Variants in MGLL observed in about 807,000 individuals in gnomAD.
The protein encoded by MGLL is lysophospholipase homolog.
In MGLL, 7 loss-of-function variants were observed where a neutral mutation model predicts 29.1. The ratio of observed to expected loss-of-function variants is 0.24; its 90% confidence interval spans 0.14 to 0.45. The LOEUF (loss-of-function observed/expected upper bound fraction) is 0.45, where lower values mean the gene tolerates loss of function less well. Ranked by LOEUF, MGLL falls within the 20% of genes least tolerant of loss-of-function variation. MGLL has a pLI of 0.99. For synonymous variants in MGLL, 148 were observed against 168.3 expected (o/e 0.88, Z 0.93); for missense variants, 356 against 413.6 (o/e 0.86, Z 1.21).
At chr3:127,809,613 A>G (rs2077626222) in intron 2 of MGLL, among the ~76,000 whole-genome samples, 1 of 149,338 alleles carries the variant, frequency 6.7e-6, no homozygotes, top group African/African-American at 2.5e-5. Context: ...GTGACAGAGC[A>G]AAGCCCTGTC....
intron 6 of MGLL, among the ~76,000 whole-genome samples, chr3:127,700,633 T>C (rs2075461000): frequency 6.6e-6 from 1 of 152,148 alleles, no homozygotes; most frequent in Non-Finnish European, 1.5e-5. Flanking sequence ...AAGCAAACCA[T>C]TCCCTAATCC....
intron 3 of MGLL, among the ~76,000 whole-genome samples, chr3:127,765,630 A>G (rs556025265): frequency 4.2e-4 from 64 of 152,338 alleles, no homozygotes; most frequent in Non-Finnish European, 7.5e-4. Context: ...CTGCCACAGC[A>G]ACCACTTTGT....
intron 3 of MGLL, among the ~76,000 whole-genome samples, chr3:127,738,092 G>A (rs1306160042): frequency 6.6e-6 from 1 of 151,884 alleles, no homozygotes; most frequent in Non-Finnish European, 1.5e-5. Flanking sequence ...CTTAAACCAG[G>A]AGTTTGAGAC....
chr3:127,691,689 G>A lies in MGLL; in HGVS notation c.*509C>T, dbSNP rs1376872096. 1 of 168,030 alleles carries A rather than the reference G, an allele frequency of 6.0e-6. No individual in the cohort carries two copies. Among genetic ancestry groups the A allele is most frequent in the Non-Finnish European group, 1.3e-5 (1 of 77,040 alleles). 10.4% of individuals were successfully genotyped at this position (168,030 alleles called of 1,614,324 possible). Reference sequence around the variant, plus strand: ...GGCTGGGCATTTTCTGAGCCTCAGAGGGGCACGTGAGTCTGCCCTGGGGAG... The same window carrying A: ...GGCTGGGCATTTTCTGAGCCTCAGAAGGGCACGTGAGTCTGCCCTGGGGAG... On this transcript the variant is annotated 3_prime_UTR_variant, in exon 8 of 8. Coordinates refer to ENST00000265052, the MANE Select transcript of MGLL (RefSeq NM_007283.7).
At chr3:127,814,881 A>G (rs13075440) in intron 2 of MGLL, among the ~76,000 whole-genome samples, 25,724 of 152,266 alleles carry the variant, frequency 0.17, 2,415 homozygotes, top group East Asian at 0.26. Context: ...TAACAGCTTC[A>G]TACAAGAAAA....
chr3:127,705,181 T>C (rs1018432226), intron 6 of MGLL, among the ~76,000 whole-genome samples: 1 of 148,530 alleles, frequency 6.7e-6, no homozygotes, highest in African/African-American at 2.5e-5. Context: ...TGAGAACATA[T>C]GGACACAGGG....
chr3:127,752,280 G>A lies in MGLL; in HGVS notation c.262+29509C>T, dbSNP rs146836597. Among the ~76,000 whole-genome samples the A allele has an allele frequency of 6.4e-3, 972 of 152,244 alleles. 4 individuals are homozygous for A. The highest frequency in any genetic ancestry group is 0.011 in the Non-Finnish European group (723 of 68,012). ...CCCAGCTAATTTTTTTGTATTTTTA[G>A]TAGAGATGGGGTTTCACCATGTTGG... On this transcript the variant is annotated intron_variant, in intron 3 of 7. Transcript: ENST00000265052.
intron 3 of MGLL, among the ~76,000 whole-genome samples, chr3:127,771,228 A>G (rs755263452): frequency 6.6e-6 from 1 of 152,176 alleles, no homozygotes; most frequent in African/African-American, 2.4e-5. Context: ...TCCTGCACCA[A>G]CAGGAGCAGA....
At position 127,799,218 on chromosome 3, in the gene MGLL, G is replaced by T. The variant is rs571171099; in HGVS notation, c.156-17323C>A. Among the ~76,000 whole-genome samples the T allele has an allele frequency of 3.3e-5, 5 of 152,274 alleles. No homozygotes were observed. In the South Asian group the frequency reaches 1.0e-3, roughly 32 times the overall value. On this transcript the variant is annotated intron_variant, in intron 2 of 7. Coordinates refer to ENST00000265052, the MANE Select transcript of MGLL (RefSeq NM_007283.7). ...AGAAACTCACCCATTATCTCAGCAG[G>T]TCCTCCTCCTGGCCCTTTGACATAA...
intron 5 of MGLL, 63 bp downstream of exon 5, chr3:127,720,990 C>T (rs896102771): frequency 2.8e-5 from 40 of 1,416,618 alleles, no homozygotes; most frequent in Non-Finnish European, 3.7e-5. Context: ...ACTCAGGCTA[C>T]AAATGGAAGA....
intron 2 of MGLL, among the ~76,000 whole-genome samples, chr3:127,821,000 T>A (rs1164575006): frequency 6.6e-6 from 1 of 152,174 alleles, no homozygotes; most frequent in African/African-American, 2.4e-5. Context: ...AGGTAAAATG[T>A]CCCTGGAACA....
intron 3 of MGLL, among the ~76,000 whole-genome samples, chr3:127,726,179 AG>A (rs1559926299): frequency 2.6e-5 from 1 of 39,064 alleles, no homozygotes; most frequent in East Asian, 5.6e-4. Flanking sequence ...AAAGAAAGAA[AG>A]AAAGAAAAGA....
At chr3:127,701,102 C>T (rs982398499) in intron 6 of MGLL, among the ~76,000 whole-genome samples, 1 of 149,300 alleles carries the variant, frequency 6.7e-6, no homozygotes, top group African/African-American at 2.5e-5. Context: ...GTAGTCCCAG[C>T]TACTGCGGGG....
At chr3:127,746,585 C>A (rs541825677) in intron 3 of MGLL, among the ~76,000 whole-genome samples, 10 of 152,292 alleles carry the variant, frequency 6.6e-5, no homozygotes, top group African/African-American at 2.2e-4. Context: ...CTGTCTGGAA[C>A]CAGTTATGTT....
Position 127,691,810 on chromosome 3 carries a change from G to C in MGLL, c.*388C>G, listed in dbSNP as rs1327125553. 3.5e-6 allele frequency: 1 copy of C among 284,676 alleles called. No individual in the cohort carries two copies. Among genetic ancestry groups the C allele is most frequent in the Non-Finnish European group, 6.8e-6 (1 of 146,956 alleles). 17.6% of individuals were successfully genotyped at this position (284,676 alleles called of 1,614,324 possible). On this transcript the variant is annotated 3_prime_UTR_variant, in exon 8 of 8. Transcript: ENST00000265052. ...GAGAGGGCGCTGGGGCGTGAGCGAA[G>C]GGTGGGCAGGAAGGAGGCGCCTCCA... is the stretch of plus-strand genomic sequence containing the variant.
At chr3:127,715,760 G>A (rs1213964222) in intron 5 of MGLL, 20 of 456,672 alleles carry the variant, frequency 4.4e-5, no homozygotes, top group South Asian at 1.9e-4. Flanking sequence ...TCACATTGTC[G>A]AGGTCGACCA....
intron 2 of MGLL, among the ~76,000 whole-genome samples, chr3:127,809,391 T>C (rs1017571480): frequency 6.6e-6 from 1 of 152,078 alleles, no homozygotes; most frequent in Non-Finnish European, 1.5e-5. Flanking sequence ...TTTTGGAGGC[T>C]GAGGAGATAG....
chr3:127,816,630 A>G (rs2077760959), intron 2 of MGLL, among the ~76,000 whole-genome samples: 1 of 152,240 alleles, frequency 6.6e-6, no homozygotes, highest in Admixed American at 6.5e-5. Flanking sequence ...GCCTCAGGGC[A>G]TGGCCTCTCC....
chr3:127,775,247 G>A (rs937991057), intron 3 of MGLL, among the ~76,000 whole-genome samples: 2 of 152,146 alleles, frequency 1.3e-5, no homozygotes, highest in Non-Finnish European at 2.9e-5. Flanking sequence ...AGGAACTCTT[G>A]AAGACTTAAA....
Sources: allele counts gnomAD v4.1 joint callset (sites outside exome capture counted in the v4.1 genomes callset), GRCh38; gene constraint gnomAD v4.1.1; transcripts MANE v1.5; gene names NCBI Gene and HGNC (gene_info 2026-07-23, HGNC 2026-07-21).